Variants in TMTC2 observed in about 807,000 individuals in gnomAD.
The protein encoded by TMTC2 is protein O-mannosyl-transferase TMTC2.
A neutral mutation model predicts 82.4 loss-of-function variants in TMTC2; 43 were observed. That is an observed-to-expected ratio of 0.52 (90% CI 0.41 to 0.67). The LOEUF is 0.67. TMTC2 is among the 30% of genes least tolerant of loss of function. TMTC2 has a pLI of 0.00. For synonymous variants in TMTC2, 408 were observed against 381.9 expected (o/e 1.07, Z -0.80); for missense variants, 919 against 1,012.4 (o/e 0.91, Z 1.25).
At chr12:83,012,675 G>A (rs1682601) in intron 8 of TMTC2, among the ~76,000 whole-genome samples, 119,128 of 152,054 alleles carry the variant, frequency 0.78, 47,701 homozygotes, top group South Asian at 0.93. Flanking sequence ...ATGATCTTCT[G>A]GCCATGTGTT....
intron 11 of TMTC2, among the ~76,000 whole-genome samples, chr12:83,073,078 T>C (rs1883171663): frequency 6.6e-6 from 1 of 152,154 alleles, no homozygotes; most frequent in African/African-American, 2.4e-5. Flanking sequence ...GTTTTTGCTT[T>C]TTAACATGTA....
At position 82,955,895 on chromosome 12, in the gene TMTC2, ATTAC is replaced by A. The variant is rs1877587213; in HGVS notation, c.1599-9125_1599-9122del. ...CACATGGATACATAAAATTGACCCTATTACTTATAATTTAAGAGACTGGAAATAT... is the reference window on the plus strand; with the variant it reads ...CACATGGATACATAAAATTGACCCTATTATAATTTAAGAGACTGGAAATAT... On this transcript the variant is annotated intron_variant, in intron 4 of 11. Coordinates refer to ENST00000321196, the MANE Select transcript of TMTC2 (RefSeq NM_152588.3). Among the ~76,000 whole-genome samples, 11 of 152,258 alleles carry A rather than the reference ATTAC, an allele frequency of 7.2e-5. No homozygotes were observed. In the South Asian group the frequency reaches 2.1e-3, roughly 29 times the overall value.
intron 9 of TMTC2, among the ~76,000 whole-genome samples, chr12:83,037,824 T>C (rs1052382955): frequency 6.6e-6 from 1 of 152,070 alleles, no homozygotes; most frequent in Admixed American, 6.5e-5. Context: ...ATTAAAGCAC[T>C]AATATGTTTC....
chr12:83,084,512 A>C (rs1022095716), intron 11 of TMTC2, among the ~76,000 whole-genome samples: 6 of 152,216 alleles, frequency 3.9e-5, no homozygotes, highest in Non-Finnish European at 7.3e-5. Flanking sequence ...ATTTCTTTTA[A>C]AAAAAGATAA....
Position 82,897,953 on chromosome 12 carries a change from G to T in TMTC2, c.1483+1307G>T, listed in dbSNP as rs1180861186. On this transcript the variant is annotated intron_variant, in intron 3 of 11. Coordinates refer to ENST00000321196, the MANE Select transcript of TMTC2 (RefSeq NM_152588.3). ...CTGTTCCAGAATATGAAAATGGCCT[G>T]CTAATAGGTGTATATATATATATAT... is the stretch of plus-strand genomic sequence containing the variant. Among the ~76,000 whole-genome samples, 4 of 120,610 alleles carry T rather than the reference G, an allele frequency of 3.3e-5. No individual in the cohort carries two copies. In the Admixed American group the frequency reaches 3.4e-4, roughly 10 times the overall value. The allele number at this position is 120,610 out of a possible 152,430, so 79.1% of individuals were successfully genotyped here. A position where few individuals can be genotyped will look rare whatever the true frequency, so the allele number is the denominator to read the frequency against.
At chr12:83,021,225 T>A (rs1880908085) in intron 8 of TMTC2, among the ~76,000 whole-genome samples, 1 of 152,130 alleles carries the variant, frequency 6.6e-6, no homozygotes, top group South Asian at 2.1e-4. Context: ...TTTCCAGTAT[T>A]CTTATGTCTT....
In TMTC2 at chr12:82,994,744, A is replaced by G. The variant is rs528697589; in HGVS notation, c.2070+8698A>G. Reference sequence around the variant, plus strand: ...AAGCAGTGGTGGTACAAAGACTAACAGCATTCCCTTGGCCTCCGTGTATTT... The same window carrying G: ...AAGCAGTGGTGGTACAAAGACTAACGGCATTCCCTTGGCCTCCGTGTATTT... On this transcript the variant is annotated intron_variant, in intron 8 of 11. Coordinates refer to ENST00000321196, the MANE Select transcript of TMTC2 (RefSeq NM_152588.3). Among the ~76,000 whole-genome samples, 16 of 152,302 alleles carry G rather than the reference A, an allele frequency of 1.1e-4. No homozygotes were observed. The South Asian group carries it at 3.3e-3, about 32-fold the overall frequency.
chr12:82,805,143 A>G (rs1010891742), intron 1 of TMTC2, among the ~76,000 whole-genome samples: 1 of 152,120 alleles, frequency 6.6e-6, no homozygotes, highest in African/African-American at 2.4e-5. Context: ...TTTCAAAAAG[A>G]GGCAAAGGTA....
At chr12:83,093,777 CT>C (rs1250782134) in intron 11 of TMTC2, among the ~76,000 whole-genome samples, 3 of 152,188 alleles carry the variant, frequency 2.0e-5, no homozygotes, top group Non-Finnish European at 2.9e-5. Context: ...TTTTTTTCCT[CT>C]GTTCAATCAG....
intron 4 of TMTC2, among the ~76,000 whole-genome samples, chr12:82,960,187 T>C (rs1463968426): frequency 6.6e-6 from 1 of 151,958 alleles, no homozygotes; most frequent in Non-Finnish European, 1.5e-5. Context: ...GGTGAGACAA[T>C]GAAGAAAAGG....
At chr12:82,700,000 G>C (rs189622668) in intron 1 of TMTC2, among the ~76,000 whole-genome samples, 2 of 152,162 alleles carry the variant, frequency 1.3e-5, no homozygotes, top group East Asian at 3.9e-4. Context: ...TTGTAATCTA[G>C]AAATGATTTA....
At chr12:82,742,355 A>C (rs536628710) in intron 1 of TMTC2, among the ~76,000 whole-genome samples, 5 of 11,480 alleles carry the variant, frequency 4.4e-4, no homozygotes, top group Non-Finnish European at 6.4e-4. Flanking sequence ...TAAATGAAGA[A>C]GTTTAAAAAA....
At position 82,727,335 on chromosome 12, in the gene TMTC2, G is replaced by A. The variant is rs1318974571; in HGVS notation, c.83+39666G>A. ...TTTGTATTCTGCTTGTTGGGCTTCGGATTTTCAATATGATTCTCTGTTATT... is the reference window on the plus strand; with the variant it reads ...TTTGTATTCTGCTTGTTGGGCTTCGAATTTTCAATATGATTCTCTGTTATT... On this transcript the variant is annotated intron_variant, in intron 1 of 11. Coordinates refer to ENST00000321196, the MANE Select transcript of TMTC2 (RefSeq NM_152588.3). 2.0e-5 allele frequency among the ~76,000 whole-genome samples: 3 copies of A among 152,076 alleles called. No homozygotes were observed. In the East Asian group the frequency reaches 5.8e-4, roughly 30 times the overall value.
At chr12:82,922,678 A>T (rs2137230623) in intron 3 of TMTC2, among the ~76,000 whole-genome samples, 1 of 152,354 alleles carries the variant, frequency 6.6e-6, no homozygotes, top group African/African-American at 2.4e-5. Context: ...TATTTGATTT[A>T]AAATATACCT....
chr12:82,963,621 T>C (rs2137299698), intron 4 of TMTC2, among the ~76,000 whole-genome samples: 1 of 150,908 alleles, frequency 6.6e-6, no homozygotes, highest in South Asian at 2.1e-4. Context: ...TTTTTAAAAA[T>C]TTTTTCATCC....
At chr12:83,005,436 G>A (rs1200827618) in intron 8 of TMTC2, among the ~76,000 whole-genome samples, 2 of 152,116 alleles carry the variant, frequency 1.3e-5, no homozygotes, top group East Asian at 3.9e-4. Flanking sequence ...TGGGGGAGAT[G>A]GGAGAGAAGA....
chr12:83,048,033 A>G (rs1283108322), intron 9 of TMTC2, among the ~76,000 whole-genome samples: 1 of 152,218 alleles, frequency 6.6e-6, no homozygotes, highest in Non-Finnish European at 1.5e-5. Context: ...AGCTGCCTGT[A>G]AAGGAAAAGA....
At chr12:83,016,956 A>G (rs1475220105) in intron 8 of TMTC2, among the ~76,000 whole-genome samples, 1 of 152,200 alleles carries the variant, frequency 6.6e-6, no homozygotes, top group Non-Finnish European at 1.5e-5. Flanking sequence ...GCTGCTCTAT[A>G]ATATTTCTGT....
At chr12:83,127,248 G>T (rs1291129032) in intron 11 of TMTC2, among the ~76,000 whole-genome samples, 10 of 152,144 alleles carry the variant, frequency 6.6e-5, no homozygotes, top group African/African-American at 2.4e-4. Flanking sequence ...CTTTTTAAAA[G>T]TTATTTAGTT....
Sources: gnomAD v4.1 joint callset for allele counts (sites outside exome capture counted in the v4.1 genomes callset) on GRCh38, gnomAD v4.1.1 for gene constraint, MANE v1.5 for transcripts, NCBI Gene and HGNC (gene_info 2026-07-23, HGNC 2026-07-21) for gene names.